MTF2: variants seen among roughly 807,000 people sequenced by gnomAD.
MTF2 encodes metal-response element-binding transcription factor 2.
MTF2 carries 11 observed loss-of-function variants against 79.5 expected under a neutral mutation model. The observed-to-expected ratio is 0.14, with a 90% CI of 0.09 to 0.23. MTF2 has a LOEUF of 0.23. MTF2 is among the 10% of genes least tolerant of loss of function. The probability of loss-of-function intolerance (pLI) is 1.00; values close to 1 mark genes in which losing one functional copy is unlikely to be tolerated. For missense variants in MTF2, 486 were observed against 711.2 expected (o/e 0.68, Z 3.60); for synonymous variants, 208 against 232.8 (o/e 0.89, Z 0.97).
intron 11 of MTF2, among the ~76,000 whole-genome samples, chr1:93,130,946 AAC>A (rs60658361): frequency 7.2e-4 from 107 of 148,540 alleles, no homozygotes; most frequent in African/African-American, 1.3e-3. Context: ...ATGAGGGACA[AAC>A]ACACACACAC....
At chr1:93,135,000 C>A (rs561335857) in intron 14 of MTF2, among the ~76,000 whole-genome samples, 13 of 152,048 alleles carry the variant, frequency 8.5e-5, no homozygotes, top group African/African-American at 2.9e-4. Flanking sequence ...GATGGAGTCT[C>A]GCTCTGTCAC....
At chr1:93,087,134 A>G (rs1309707919) in intron 1 of MTF2, among the ~76,000 whole-genome samples, 3 of 152,168 alleles carry the variant, frequency 2.0e-5, no homozygotes, top group Non-Finnish European at 4.4e-5. Context: ...AAAGTTTCAG[A>G]TTTTGAAGCA....
chr1:93,088,167 T>C (rs1170212863), intron 1 of MTF2, among the ~76,000 whole-genome samples: 1 of 152,200 alleles, frequency 6.6e-6, no homozygotes, highest in African/African-American at 2.4e-5. Flanking sequence ...ATGACAACGC[T>C]GAACTTTCCA....
At chr1:93,127,467 G>C (rs1271083263) in intron 10 of MTF2, among the ~76,000 whole-genome samples, 168 bp downstream of exon 10, 4 of 152,182 alleles carry the variant, frequency 2.6e-5, no homozygotes, top group African/African-American at 9.7e-5. Context: ...TGATTCTCAA[G>C]GATTGGAGGA....
chr1:93,103,435 C>T (rs985516155), intron 1 of MTF2, among the ~76,000 whole-genome samples: 25 of 151,274 alleles, frequency 1.7e-4, no homozygotes, highest in African/African-American at 5.8e-4. Context: ...TTTATATTTA[C>T]GTAACAGATG....
chr1:93,089,057 C>A (rs935390428), intron 1 of MTF2, among the ~76,000 whole-genome samples: 6 of 152,046 alleles, frequency 3.9e-5, no homozygotes, highest in African/African-American at 1.4e-4. Context: ...ATGAAGAGTA[C>A]TAAAGCCACA....
At chr1:93,121,816 T>C in intron 9 of MTF2, 3 of 729,334 alleles carry the variant, frequency 4.1e-6, no homozygotes, top group Non-Finnish European at 4.9e-6. Context: ...TTTTTTTTTT[T>C]TTGGAGACGG....
At chr1:93,085,122 A>C (rs771843390) in intron 1 of MTF2, among the ~76,000 whole-genome samples, 1 of 152,104 alleles carries the variant, frequency 6.6e-6, no homozygotes, top group Non-Finnish European at 1.5e-5. Context: ...ATACTTTTAA[A>C]ATTTCAAAGC....
intron 1 of MTF2, among the ~76,000 whole-genome samples, chr1:93,087,783 A>G (rs1183670697): frequency 6.6e-6 from 1 of 152,152 alleles, no homozygotes; most frequent in African/African-American, 2.4e-5. Context: ...GTATCACTTA[A>G]CTGGGGTTTA....
At chr1:93,136,536 G>A in intron 14 of MTF2, 134 bp from the exon 15 acceptor site, 4 of 735,154 alleles carry the variant, frequency 5.4e-6, no homozygotes, top group Non-Finnish European at 9.2e-6. Context: ...AGCATTTATT[G>A]TTTGGGTTTG....
chr1:93,087,705 A>G (rs535795081), intron 1 of MTF2, among the ~76,000 whole-genome samples: 1 of 152,310 alleles, frequency 6.6e-6, no homozygotes, highest in South Asian at 2.1e-4. Flanking sequence ...TCCCCACTGT[A>G]TGTGACCTCG....
At chr1:93,120,872 C>T (rs1303394616) in intron 9 of MTF2, 200 bp downstream of exon 9, 1 of 1,268,036 alleles carries the variant, frequency 7.9e-7, no homozygotes, top group African/African-American at 1.6e-5. Flanking sequence ...CCTGTTGACT[C>T]TGGAAATTTG....
In MTF2 at chr1:93,114,042, A is replaced by T. The variant is rs193146336; in HGVS notation, c.287-646A>T. Reference sequence around the variant, plus strand: ...GAGAATAAAAATGTCTCAGGAAGAAATGCTTCACTTGTTCTGCTAAAAAAA... The same window carrying T: ...GAGAATAAAAATGTCTCAGGAAGAATTGCTTCACTTGTTCTGCTAAAAAAA... On this transcript the variant is annotated intron_variant, in intron 3 of 14. Coordinates refer to ENST00000370298, the MANE Select transcript of MTF2 (RefSeq NM_007358.4). Among the ~76,000 whole-genome samples the T allele has an allele frequency of 2.2e-5, 3 of 136,344 alleles. No homozygotes were observed. The Admixed American group carries it at 2.3e-4, about 11-fold the overall frequency. The allele number at this position is 136,344 out of a possible 152,430, so 89.4% of individuals were successfully genotyped here.
chr1:93,107,213 A>C (rs1184619591), intron 1 of MTF2, among the ~76,000 whole-genome samples: 1 of 152,054 alleles, frequency 6.6e-6, no homozygotes, highest in Non-Finnish European at 1.5e-5. Flanking sequence ...ATTTCACTTA[A>C]GAATGTTTTT....
intron 9 of MTF2, among the ~76,000 whole-genome samples, chr1:93,124,828 CA>C (rs890059513): frequency 1.2e-3 from 177 of 145,108 alleles, no homozygotes; most frequent in African/African-American, 4.3e-3. Flanking sequence ...GAGGGGGGAG[CA>C]AAAAAAAAAT....
intron 14 of MTF2, among the ~76,000 whole-genome samples, chr1:93,135,036 A>G (rs930857246): frequency 2.0e-5 from 3 of 151,986 alleles, no homozygotes; most frequent in Admixed American, 6.6e-5. Context: ...GTGGCATGAT[A>G]TCGACTCACT....
At chr1:93,120,458 G>A in intron 8 of MTF2, 91 bp from the exon 9 acceptor site, 1 of 1,214,066 alleles carries the variant, frequency 8.2e-7, no homozygotes, top group Non-Finnish European at 1.1e-6. Flanking sequence ...ATTTCTCTTT[G>A]CATTTTAATT....
Position 93,137,023 on chromosome 1 carries a change from C to T in MTF2, c.1778C>T (p.Ser593Phe). The change falls in exon 15 of 15, where the codon TCC (serine) becomes TTC (phenylalanine). Residue 593 changes from serine (S) to phenylalanine (F), a missense_variant. Physicochemically the swap from Ser to Phe is radical, Grantham distance 155. Coordinates refer to ENST00000370298, the MANE Select transcript of MTF2 (RefSeq NM_007358.4). ...GTGGAATGGGAAGGAGCAACTGCATCCTGACTGTAGGACTGAACATTATGT... is the reference window on the plus strand; with the variant it reads ...GTGGAATGGGAAGGAGCAACTGCATTCTGACTGTAGGACTGAACATTATGT... ...YLVEWEGATA[S>F] The T allele has an allele frequency of 3.1e-6, 5 of 1,612,458 alleles. No homozygotes were observed. Among genetic ancestry groups the T allele is most frequent in the Non-Finnish European group, 4.2e-6 (5 of 1,179,004 alleles).
chr1:93,093,788 A>G (rs1655168716), intron 1 of MTF2, among the ~76,000 whole-genome samples: 1 of 152,130 alleles, frequency 6.6e-6, no homozygotes, highest in South Asian at 2.1e-4. Flanking sequence ...ATAGTACACT[A>G]CAGCCCTGAA....
Sources: gnomAD v4.1 joint callset for allele counts (sites outside exome capture counted in the v4.1 genomes callset) on GRCh38, gnomAD v4.1.1 for gene constraint, MANE v1.5 for transcripts, NCBI Gene and HGNC (gene_info 2026-07-23, HGNC 2026-07-21) for gene names.